The following MPP7 variants were observed in gnomAD, a reference collection of about 807,000 sequenced individuals.
MPP7 encodes MAGUK p55 scaffold protein 7.
Under a neutral mutation model 76.5 loss-of-function variants are expected in MPP7, and 60 were observed. The observed-to-expected ratio is 0.78, with a 90% CI of 0.64 to 0.97. The LOEUF (loss-of-function observed/expected upper bound fraction) is 0.97, where lower values mean the gene tolerates loss of function less well. Among genes scored for constraint, MPP7 ranks in the 50% least tolerant of loss-of-function variants. MPP7 has a pLI of 0.00. For synonymous variants in MPP7, 237 were observed against 244.5 expected (o/e 0.97, Z 0.29); for missense variants, 641 against 694.0 (o/e 0.92, Z 0.86).
intron 2 of MPP7, among the ~76,000 whole-genome samples, chr10:28,321,192 T>C (rs543363450): frequency 6.6e-6 from 1 of 152,122 alleles, no homozygotes; most frequent in East Asian, 1.9e-4. Flanking sequence ...AAATAGAAAT[T>C]AGGATATATA....
chr10:28,145,718 C>T (rs1835681213), intron 5 of MPP7, among the ~76,000 whole-genome samples: 1 of 152,186 alleles, frequency 6.6e-6, no homozygotes, highest in South Asian at 2.1e-4. Flanking sequence ...CTATTTTCTA[C>T]ACATATGAAT....
chr10:28,306,664 T>TAGAGAGAGAGAGAG (rs772241963), upstream of MPP7, among the ~76,000 whole-genome samples: 36 of 41,228 alleles, frequency 8.7e-4, no homozygotes, highest in South Asian at 2.1e-3. Context: ...AGATGATAGA[T>TAGAGAGAGAGAGAG]AGATAGAGAG....
At chr10:28,057,719 T>G in intron 15 of MPP7, 2 of 1,282,902 alleles carry the variant, frequency 1.6e-6, no homozygotes, top group Non-Finnish European at 2.0e-6. Context: ...GCAGCCTTCC[T>G]GATTCTTGAA....
rs138973529 is a variant in MPP7 at position 28,255,518 on chromosome 10, G to A, written c.-131-16783C>T. ...CAACCTCCGCCTCCTAGGTTCAAGCGATTCTTCTGCCTCAGCCTCCCAAGT... is the reference window on the plus strand; with the variant it reads ...CAACCTCCGCCTCCTAGGTTCAAGCAATTCTTCTGCCTCAGCCTCCCAAGT... On this transcript the variant is annotated intron_variant, in intron 1 of 16. Transcript: ENST00000683449. 7.7e-3 allele frequency among the ~76,000 whole-genome samples: 1,161 copies of A among 151,730 alleles called. 7 individuals carry two copies. The highest frequency in any genetic ancestry group is 0.013 in the Non-Finnish European group (860 of 67,922).
At chr10:28,170,141 G>A (rs1383353272) in intron 3 of MPP7, among the ~76,000 whole-genome samples, 1 of 151,908 alleles carries the variant, frequency 6.6e-6, no homozygotes, top group Non-Finnish European at 1.5e-5. Flanking sequence ...AAATGAGGGT[G>A]CTCAAAATAT....
At chr10:28,103,747 T>TTG (rs10648134) in intron 11 of MPP7, among the ~76,000 whole-genome samples, 54,149 of 151,692 alleles carry the variant, frequency 0.36, 13,632 homozygotes, top group East Asian at 0.95. Context: ...CTCAAAAATA[T>TTG]TGTTATAAAA....
In MPP7 at chr10:28,150,172, T is replaced by C. The variant is rs1835837165; in HGVS notation, c.157-113A>G. 4.1e-6 allele frequency: 3 copies of C among 727,242 alleles called. No homozygotes were observed. The South Asian group carries it at 5.2e-5, about 13-fold the overall frequency. 45.0% of individuals were successfully genotyped at this position (727,242 alleles called of 1,614,324 possible). On this transcript the variant is annotated intron_variant, in intron 3 of 16. Transcript: ENST00000683449. ...AATCCTTGAATATCCTAAAGTTATA[T>C]GTTTATGACATATTACACACATGTA...
chr10:28,213,272 T>A (rs553298475), intron 2 of MPP7, among the ~76,000 whole-genome samples: 2 of 152,010 alleles, frequency 1.3e-5, no homozygotes, highest in East Asian at 3.9e-4. Flanking sequence ...GGAGCTGTCA[T>A]TCAGTAGTTG....
chr10:28,064,048 A>C (rs1056766896), intron 13 of MPP7, among the ~76,000 whole-genome samples: 2 of 152,186 alleles, frequency 1.3e-5, no homozygotes, highest in Non-Finnish European at 2.9e-5. Context: ...CAAAAAATTA[A>C]ACCGTATGGC....
rs190597970 is a variant in MPP7, at chr10:28,192,876, A to G, written c.156+9277T>C. On this transcript the variant is annotated intron_variant, in intron 3 of 16. Transcript: ENST00000683449. The stretch of plus-strand genomic sequence containing the variant: ...CTACCCTACTTCAAAACTAACTATA[A>G]AGCTAAGGTAATCAAGGCAGCATGT... Among the ~76,000 whole-genome samples the G allele has an allele frequency of 2.6e-5, 4 of 152,322 alleles. No homozygotes were observed. In the East Asian group the frequency reaches 5.8e-4, roughly 22 times the overall value.
At chr10:28,158,800 G>A (rs1453653375) in intron 3 of MPP7, among the ~76,000 whole-genome samples, 1 of 152,172 alleles carries the variant, frequency 6.6e-6, no homozygotes, top group East Asian at 1.9e-4. Context: ...TAAGAGAAAT[G>A]CAACATTTGA....
At chr10:28,201,289 A>G (rs1564697479) in intron 3 of MPP7, among the ~76,000 whole-genome samples, 3 of 152,208 alleles carry the variant, frequency 2.0e-5, no homozygotes, top group Non-Finnish European at 4.4e-5. Context: ...GAAATTGCTC[A>G]TTTTCTAATA....
At chr10:28,211,950 A>G (rs904676835) in intron 2 of MPP7, among the ~76,000 whole-genome samples, 1 of 152,064 alleles carries the variant, frequency 6.6e-6, no homozygotes, top group Non-Finnish European at 1.5e-5. Context: ...TCTAACTTAC[A>G]TTACAAAAGC....
chr10:28,109,189 G>C (rs1236654966), intron 11 of MPP7, among the ~76,000 whole-genome samples: 1 of 152,146 alleles, frequency 6.6e-6, no homozygotes, highest in Non-Finnish European at 1.5e-5. Context: ...TCAGGAGGCT[G>C]AGGCAGGAGA....
intron 3 of MPP7, among the ~76,000 whole-genome samples, chr10:28,199,004 C>T (rs1455590242): frequency 6.6e-6 from 1 of 152,138 alleles, no homozygotes; most frequent in African/African-American, 2.4e-5. Flanking sequence ...TTAATGGACT[C>T]ACAGTTCCAT....
At chr10:28,289,518 G>A (rs1840863868) in intron 1 of MPP7, among the ~76,000 whole-genome samples, 1 of 152,176 alleles carries the variant, frequency 6.6e-6, no homozygotes, top group African/African-American at 2.4e-5. Context: ...AAGAACTGGG[G>A]CAAGAAGTGC....
chr10:28,278,795 C>T (rs929497663), intron 1 of MPP7, among the ~76,000 whole-genome samples: 13 of 148,848 alleles, frequency 8.7e-5, no homozygotes, highest in South Asian at 2.1e-4. Context: ...AAACGTTATC[C>T]GTAACATTTC....
At chr10:28,069,634 C>A in intron 13 of MPP7, 138 bp downstream of exon 13, 1 of 486,200 alleles carries the variant, frequency 2.1e-6, no homozygotes, top group Non-Finnish European at 3.5e-6. Flanking sequence ...AAAAAACTCA[C>A]ATGCCCCATA....
chr10:28,097,279 G>A (rs917416305), intron 11 of MPP7, among the ~76,000 whole-genome samples: 4 of 152,082 alleles, frequency 2.6e-5, no homozygotes, highest in African/African-American at 7.2e-5. Context: ...ACCATACCTC[G>A]CCTTTCATTC....
Sources: gnomAD v4.1 joint callset for allele counts (sites outside exome capture counted in the v4.1 genomes callset) on GRCh38, gnomAD v4.1.1 for gene constraint, MANE v1.5 for transcripts, NCBI Gene and HGNC (gene_info 2026-07-23, HGNC 2026-07-21) for gene names.